Variants in ARL3 observed in about 807,000 individuals in gnomAD.
ARL3 encodes the protein ARF like GTPase 3, also known as ADP-ribosylation factor-like protein 3.
ARL3 carries 9 observed loss-of-function variants against 26.0 expected under a neutral mutation model. The ratio of observed to expected loss-of-function variants is 0.35; its 90% CI spans 0.21 to 0.60. The LOEUF is 0.60. Ranked by LOEUF, ARL3 falls within the 20% of genes least tolerant of loss-of-function variation. The probability of loss-of-function intolerance (pLI) is 0.78; values close to 1 mark genes in which losing one functional copy is unlikely to be tolerated. For missense variants in ARL3, 158 were observed against 215.7 expected (o/e 0.73, Z 1.67); for synonymous variants, 71 against 78.4 (o/e 0.91, Z 0.50).
intron 5 of ARL3, among the ~76,000 whole-genome samples, chr10:102,682,479 C>T (rs1404415752): frequency 1.3e-5 from 2 of 152,160 alleles, no homozygotes; most frequent in South Asian, 2.1e-4. Context: ...GTAATGGCTT[C>T]GTATGTGCTG....
chr10:102,686,053 A>G, intron 4 of ARL3, 52 bp from the exon 5 acceptor site: 1 of 1,338,656 alleles, frequency 7.5e-7, no homozygotes, highest in Non-Finnish European at 1.0e-6. Context: ...TACATCTATG[A>G]TATTTAACCA....
rs1203450340 is a variant in ARL3 at position 102,676,861 on chromosome 10, C to G, written c.*33G>C. ...GTGTTTTTCAGGACCGAATTCGGCT[C>G]CCGCAGCTCCTGCATCTCCATTCGT... On this transcript the variant is annotated 3_prime_UTR_variant, in exon 6 of 6. Transcript: ENST00000260746. 1.9e-6 allele frequency: 3 copies of G among 1,611,828 alleles called. No individual in the cohort carries two copies. Among genetic ancestry groups the G allele is most frequent in the Admixed American group, 3.3e-5 (2 of 59,990 alleles).
At chr10:102,708,886 T>TAATATATATATATATATATATATATA (rs60736499) in intron 1 of ARL3, among the ~76,000 whole-genome samples, 4 of 90,474 alleles carry the variant, frequency 4.4e-5, no homozygotes, top group African/African-American at 1.9e-4. Flanking sequence ...AAACCATATA[T>TAATATATATATATATATATATATATA]TATATATATA....
chr10:102,685,762 C>A (rs1316401001), intron 5 of ARL3, 54 bp downstream of exon 5: 2 of 1,524,488 alleles, frequency 1.3e-6, no homozygotes, highest in Non-Finnish European at 1.8e-6. Flanking sequence ...ATGAGACAGA[C>A]CACCTCGGTT....
Position 102,704,750 on chromosome 10 carries a change from C to T in ARL3, c.147+596G>A, listed in dbSNP as rs543079521. Among the ~76,000 whole-genome samples, 42 of 152,028 alleles carry T rather than the reference C, an allele frequency of 2.8e-4. No homozygotes were observed. In the East Asian group the frequency reaches 7.7e-3, roughly 28 times the overall value. ...ACACACACATGTGTATATATGTATA[C>T]ATATATTTTAAATTGTAACATAACA... is the stretch of plus-strand genomic sequence containing the variant. On this transcript the variant is annotated intron_variant, in intron 2 of 5. Transcript: ENST00000260746.
Position 102,705,336 on chromosome 10 carries a change from C to G in ARL3, c.147+10G>C. 6.4e-7 allele frequency: 1 copy of G among 1,551,292 alleles called. No homozygotes were observed. The highest frequency in any genetic ancestry group is 8.8e-7 in the Non-Finnish European group (1 of 1,139,166). ...TGTCACACGGCATCTGGAGCCAAGG[C>G]AGTGCTCACCTGTGTAGGTGTGATG... On this transcript the variant is annotated intron_variant, in intron 2 of 5. Transcript: ENST00000260746.
Position 102,676,303 on chromosome 10 carries a change from G to T in ARL3, c.*591C>A, listed in dbSNP as rs992751146. The T allele has an allele frequency of 6.7e-6, 1 of 150,202 alleles. No individual in the cohort carries two copies. Among genetic ancestry groups the T allele is most frequent in the Non-Finnish European group, 1.5e-5 (1 of 67,824 alleles). The allele number at this position is 150,202 out of a possible 1,614,324, so 9.3% of individuals were successfully genotyped here. On this transcript the variant is annotated 3_prime_UTR_variant, in exon 6 of 6. Coordinates refer to ENST00000260746, the MANE Select transcript of ARL3 (RefSeq NM_004311.4). ...TGTCCAAAGAGTGAGGATTACATAC[G>T]TAGTCTCCGACCTGCAAGACGATGA... is the stretch of plus-strand genomic sequence containing the variant.
At position 102,679,642 on chromosome 10, in the gene ARL3, C is replaced by T. The variant is rs192501213; in HGVS notation, c.502-2701G>A. ...GAAAAGGAGGAATTCTGGTTTTATC[C>T]TCCTTGTGACTTCCGCTAAAAACAG... On this transcript the variant is annotated intron_variant, in intron 5 of 5. Coordinates refer to ENST00000260746, the MANE Select transcript of ARL3 (RefSeq NM_004311.4). Among the ~76,000 whole-genome samples the T allele has an allele frequency of 6.6e-4, 101 of 152,284 alleles. 1 individual carries two copies. The highest frequency in any genetic ancestry group is 2.7e-3 in the South Asian group (13 of 4,826).
intron 5 of ARL3, among the ~76,000 whole-genome samples, chr10:102,681,324 G>A (rs2064155024): frequency 6.6e-6 from 1 of 151,514 alleles, no homozygotes; most frequent in African/African-American, 2.4e-5. Context: ...CCCAGGAGGT[G>A]GAGGTTGCAG....
Position 102,676,579 on chromosome 10 carries a change from G to T in ARL3, c.*315C>A, listed in dbSNP as rs2064132066. The T allele has an allele frequency of 3.8e-5, 7 of 184,842 alleles. No homozygotes were observed. The highest frequency in any genetic ancestry group is 1.9e-3 in the Middle Eastern group (1 of 538). The allele number at this position is 184,842 out of a possible 1,614,324, so 11.5% of individuals were successfully genotyped here. A position where few individuals can be genotyped will look rare whatever the true frequency, so the allele number is the denominator to read the frequency against. On this transcript the variant is annotated 3_prime_UTR_variant, in exon 6 of 6. Transcript: ENST00000260746. ...GAGGAAAAAAAAGCCCACTGGAATT[G>T]TCTAAACTGCAATGCAATCTCTTGC...
Position 102,676,246 on chromosome 10 carries a change from T to C in ARL3, c.*648A>G, listed in dbSNP as rs1466782120. On this transcript the variant is annotated 3_prime_UTR_variant, in exon 6 of 6. Transcript: ENST00000260746. ...GGATGGGGTATGTTTCTGTAGTGAC[T>C]TGTCTGCAAGAAAGACTTTTTTTTT... 6.8e-6 allele frequency: 1 copy of C among 147,054 alleles called. No homozygotes were observed. The highest frequency in any genetic ancestry group is 1.5e-5 in the Non-Finnish European group (1 of 66,962). 9.1% of individuals were successfully genotyped at this position (147,054 alleles called of 1,614,324 possible). A position where few individuals can be genotyped will look rare whatever the true frequency, so the allele number is the denominator to read the frequency against.
rs2064265983 is a variant in ARL3, at chr10:102,699,360, AAGG to A, written c.264+10_264+12del. On this transcript the variant is annotated intron_variant, in intron 3 of 5. Transcript: ENST00000260746. The stretch of plus-strand genomic sequence containing the variant: ...AAAATACTATGAATTAGTGCGTCAG[AAGG>A]AGTACTTACAAGAATATCGGTATTT... 1 of 1,468,602 alleles carries A rather than the reference AAGG, an allele frequency of 6.8e-7. No homozygotes were observed. The highest frequency in any genetic ancestry group is 2.3e-5 in the East Asian group (1 of 44,076). 91.0% of individuals were successfully genotyped at this position (1,468,602 alleles called of 1,614,324 possible).
chr10:102,713,751 C>A (rs1429506792), intron 1 of ARL3, among the ~76,000 whole-genome samples: 1 of 152,312 alleles, frequency 6.6e-6, no homozygotes, highest in Non-Finnish European at 1.5e-5. Context: ...CTTCCCTACC[C>A]CCCAGGGGCC....
chr10:102,702,522 G>A (rs1348578469), intron 2 of ARL3, among the ~76,000 whole-genome samples: 1 of 152,038 alleles, frequency 6.6e-6, no homozygotes, highest in Non-Finnish European at 1.5e-5. Flanking sequence ...ATCAAACAAA[G>A]CCTGAAGGTT....
chr10:102,687,226 TG>T (rs1177423223), intron 4 of ARL3, among the ~76,000 whole-genome samples: 1 of 151,008 alleles, frequency 6.6e-6, no homozygotes, highest in African/African-American at 2.4e-5. Flanking sequence ...CCGCTACAGA[TG>T]ATTCACAGAT....
intron 5 of ARL3, among the ~76,000 whole-genome samples, chr10:102,684,234 C>T (rs1190237499): frequency 3.9e-5 from 6 of 152,124 alleles, no homozygotes; most frequent in African/African-American, 1.2e-4. Context: ...TTGCAAGCTC[C>T]GCCTCCTGGG....
At chr10:102,682,791 C>T (rs1054669520) in intron 5 of ARL3, among the ~76,000 whole-genome samples, 1 of 152,132 alleles carries the variant, frequency 6.6e-6, no homozygotes, top group Non-Finnish European at 1.5e-5. Flanking sequence ...AATTCCAGGT[C>T]CTTTTTTTAT....
At chr10:102,702,874 C>T (rs181954216) in intron 2 of ARL3, among the ~76,000 whole-genome samples, 3 of 152,094 alleles carry the variant, frequency 2.0e-5, no homozygotes, top group South Asian at 2.1e-4. Flanking sequence ...ACTCATGGGC[C>T]GTGAAGTATG....
At chr10:102,702,663 C>A (rs1194140918) in intron 2 of ARL3, among the ~76,000 whole-genome samples, 1 of 152,122 alleles carries the variant, frequency 6.6e-6, no homozygotes, top group African/African-American at 2.4e-5. Flanking sequence ...AACAAAAAAA[C>A]CCCACAAGCG....
Sources: allele counts gnomAD v4.1 joint callset (sites outside exome capture counted in the v4.1 genomes callset), GRCh38; gene constraint gnomAD v4.1.1; transcripts MANE v1.5; gene names NCBI Gene and HGNC (gene_info 2026-07-23, HGNC 2026-07-21).